Variants in AUH observed in about 807,000 individuals in gnomAD.
AUH encodes AU RNA binding methylglutaconyl-CoA hydratase, also known as methylglutaconyl-CoA hydratase, mitochondrial.
A neutral mutation model predicts 42.3 loss-of-function variants in AUH; 29 were observed. That is an observed-to-expected ratio of 0.69 (90% CI 0.51 to 0.93). The LOEUF is 0.93. Ranked by LOEUF, AUH falls within the 40% of genes least tolerant of loss-of-function variation. The pLI is 0.00. For synonymous variants in AUH, 174 were observed against 166.4 expected (o/e 1.05, Z -0.35); for missense variants, 452 against 438.1 (o/e 1.03, Z -0.28).
chr9:91,282,461 G>C (rs1463511152), intron 6 of AUH, among the ~76,000 whole-genome samples: 1 of 152,132 alleles, frequency 6.6e-6, no homozygotes, highest in East Asian at 1.9e-4. Flanking sequence ...GTTCACGGCT[G>C]TATCCCCAGT....
At chr9:91,242,485 A>C (rs1828573680) in intron 6 of AUH, among the ~76,000 whole-genome samples, 1 of 152,246 alleles carries the variant, frequency 6.6e-6, no homozygotes, top group Admixed American at 6.5e-5. Context: ...TCTTGAAAAA[A>C]TAATAGAGGA....
intron 9 of AUH, 124 bp downstream of exon 9, chr9:91,215,935 C>T (rs1416778871): frequency 2.0e-6 from 2 of 990,088 alleles, no homozygotes; most frequent in Non-Finnish European, 3.1e-6. Flanking sequence ...AATTTCAACC[C>T]ATTTGTATGA....
intron 4 of AUH, among the ~76,000 whole-genome samples, chr9:91,313,422 T>C (rs1828863697): frequency 6.6e-6 from 1 of 151,994 alleles, no homozygotes; most frequent in East Asian, 1.9e-4. Flanking sequence ...ATGAACAAAC[T>C]TGGCCGGGCG....
At chr9:91,294,841 G>T (rs1337026747) in intron 6 of AUH, 1 of 446,958 alleles carries the variant, frequency 2.2e-6, no homozygotes, top group South Asian at 1.6e-5. Context: ...AATTAGAAGA[G>T]TAACCTGAAG....
chr9:91,334,869 C>A (rs532213781), intron 3 of AUH, among the ~76,000 whole-genome samples: 5 of 152,162 alleles, frequency 3.3e-5, no homozygotes, highest in Non-Finnish European at 7.3e-5. Context: ...CCACTCCAAA[C>A]AGGCTTTTAT....
intron 6 of AUH, among the ~76,000 whole-genome samples, chr9:91,256,686 GA>G (rs1414609742): frequency 6.6e-6 from 1 of 152,060 alleles, no homozygotes; most frequent in Non-Finnish European, 1.5e-5. Context: ...TCAAGCGGCA[GA>G]CTTACTGCAC....
chr9:91,329,415 GTC>G (rs770029945), intron 3 of AUH, among the ~76,000 whole-genome samples: 8 of 152,016 alleles, frequency 5.3e-5, no homozygotes, highest in Non-Finnish European at 2.9e-5. Flanking sequence ...ACCAACAATT[GTC>G]TGTCTTTTTT....
intron 4 of AUH, among the ~76,000 whole-genome samples, chr9:91,318,266 A>G (rs577124592): frequency 6.6e-6 from 1 of 152,242 alleles, no homozygotes; most frequent in East Asian, 1.9e-4. Context: ...TTGGTTGATC[A>G]CTTCAGTGAT....
At chr9:91,356,305 C>T in intron 1 of AUH, 150 bp from the exon 2 acceptor site, 3 of 713,466 alleles carry the variant, frequency 4.2e-6, no homozygotes, top group Non-Finnish European at 7.3e-6. Context: ...TTCTTAAGCA[C>T]CAAGATAATT....
At chr9:91,323,414 A>C (rs1291491905) in intron 4 of AUH, among the ~76,000 whole-genome samples, 1 of 152,022 alleles carries the variant, frequency 6.6e-6, no homozygotes, top group Middle Eastern at 3.2e-3. Context: ...CACGAGGTCA[A>C]GAGATCAAGA....
intron 3 of AUH, among the ~76,000 whole-genome samples, chr9:91,344,396 C>G (rs1216012514): frequency 1.3e-5 from 2 of 152,198 alleles, no homozygotes; most frequent in Non-Finnish European, 2.9e-5. Flanking sequence ...TGATTGATGT[C>G]TTATGTCTCC....
At chr9:91,331,885 T>C (rs78159864) in intron 3 of AUH, among the ~76,000 whole-genome samples, 3,838 of 152,294 alleles carry the variant, frequency 0.025, 79 homozygotes, top group East Asian at 0.066. Flanking sequence ...AATAAAGCTC[T>C]TCAACAGCCA....
At chr9:91,230,595 G>A (rs1334677959) in intron 6 of AUH, among the ~76,000 whole-genome samples, 2 of 152,230 alleles carry the variant, frequency 1.3e-5, no homozygotes, top group Admixed American at 1.3e-4. Flanking sequence ...CGTTGCTGGT[G>A]AGGAGCTGCG....
chr9:91,324,297 T>C (rs1054667373), intron 4 of AUH, among the ~76,000 whole-genome samples: 1 of 146,798 alleles, frequency 6.8e-6, no homozygotes, highest in African/African-American at 2.5e-5. Flanking sequence ...GAGGCAGGAG[T>C]TCAAGATCAG....
intron 6 of AUH, among the ~76,000 whole-genome samples, chr9:91,226,296 G>A (rs1370538186): frequency 6.7e-6 from 1 of 149,222 alleles, no homozygotes; most frequent in Admixed American, 6.7e-5. Context: ...TTTCTCTGAC[G>A]GCCAGTGATG....
chr9:91,351,025 T>C (rs1470142922), intron 3 of AUH, among the ~76,000 whole-genome samples: 1 of 152,088 alleles, frequency 6.6e-6, no homozygotes, highest in Non-Finnish European at 1.5e-5. Context: ...CAGGCTGAAA[T>C]GCAGTGGCAC....
intron 6 of AUH, among the ~76,000 whole-genome samples, chr9:91,275,136 A>G (rs1329747382): frequency 6.6e-6 from 1 of 152,196 alleles, no homozygotes; most frequent in South Asian, 2.1e-4. Flanking sequence ...CATTCCTGTC[A>G]TCCTCCCAAT....
intron 6 of AUH, among the ~76,000 whole-genome samples, chr9:91,236,472 A>G (rs1213042455): frequency 5.9e-5 from 9 of 152,226 alleles, no homozygotes; most frequent in Non-Finnish European, 1.0e-4. Context: ...TAAGAAAGTG[A>G]TTATCACAAA....
chr9:91,355,248 T>C lies in AUH; in HGVS notation c.418+635A>G, dbSNP rs114148322. Reference sequence around the variant, plus strand: ...CCACAGAGATTGAAGCTTTAAAAAATTGAGAATCCTTAAGAATGAAACTAG... The same window carrying C: ...CCACAGAGATTGAAGCTTTAAAAAACTGAGAATCCTTAAGAATGAAACTAG... On this transcript the variant is annotated intron_variant, in intron 3 of 9. Transcript: ENST00000375731. Among the ~76,000 whole-genome samples, 564 of 152,286 alleles carry C rather than the reference T, an allele frequency of 3.7e-3. 7 individuals are homozygous for C. The highest frequency in any genetic ancestry group is 0.013 in the African/African-American group (529 of 41,562).
Sources: gnomAD v4.1 joint callset for allele counts (sites outside exome capture counted in the v4.1 genomes callset) on GRCh38, gnomAD v4.1.1 for gene constraint, MANE v1.5 for transcripts, NCBI Gene and HGNC (gene_info 2026-07-23, HGNC 2026-07-21) for gene names.